KCNH1: variants seen among roughly 807,000 people sequenced by gnomAD.
The protein encoded by KCNH1 is voltage-gated delayed rectifier potassium channel KCNH1.
A neutral mutation model predicts 69.2 loss-of-function variants in KCNH1; 27 were observed. The ratio of observed to expected loss-of-function variants is 0.39; its 90% CI spans 0.29 to 0.54. KCNH1 has a LOEUF of 0.54. Among genes scored for constraint, KCNH1 ranks in the 20% least tolerant of loss-of-function variants. KCNH1 has a pLI of 0.68. For synonymous variants in KCNH1, 456 were observed against 487.7 expected (o/e 0.93, Z 0.86); for missense variants, 798 against 1,261.6 (o/e 0.63, Z 5.57).
intron 7 of KCNH1, among the ~76,000 whole-genome samples, chr1:210,863,559 C>T (rs776407450): frequency 1.3e-5 from 2 of 152,190 alleles, no homozygotes; most frequent in Non-Finnish European, 2.9e-5. Context: ...TAGTAAATGC[C>T]ATTTCCAGTT....
intron 6 of KCNH1, among the ~76,000 whole-genome samples, chr1:210,982,751 G>C (rs1211837780): frequency 1.3e-5 from 2 of 152,168 alleles, no homozygotes; most frequent in Admixed American, 6.5e-5. Context: ...TGTCTTTATA[G>C]CAGCATGATT....
chr1:211,080,616 A>T (rs963765639), intron 5 of KCNH1, among the ~76,000 whole-genome samples: 5 of 152,238 alleles, frequency 3.3e-5, no homozygotes, highest in African/African-American at 1.2e-4. Context: ...GTACCAAAAC[A>T]GATATATAGA....
chr1:210,800,089 A>C (rs979897067), intron 8 of KCNH1, among the ~76,000 whole-genome samples: 2 of 152,234 alleles, frequency 1.3e-5, no homozygotes, highest in African/African-American at 4.8e-5. Flanking sequence ...GTAAGTACAG[A>C]TGCCCTTGCT....
chr1:210,791,291 C>T (rs552733636), intron 9 of KCNH1, among the ~76,000 whole-genome samples: 1 of 152,324 alleles, frequency 6.6e-6, no homozygotes, highest in South Asian at 2.1e-4. Context: ...CTGCCTAAAG[C>T]AATGTTTCTC....
rs144042652 is a variant in KCNH1 at position 210,763,487 on chromosome 1, T to C, written c.2112+11861A>G. 2.8e-3 allele frequency among the ~76,000 whole-genome samples: 419 copies of C among 151,848 alleles called. 1 individual carries two copies. The highest frequency in any genetic ancestry group is 9.7e-3 in the African/African-American group (404 of 41,496). On this transcript the variant is annotated intron_variant, in intron 10 of 10. Transcript: ENST00000271751. ...TCTAAAAAACCCTAAAGACCAAAAGTCTCCTAAATTTGATGACTTCAGGAA... is the reference window on the plus strand; with the variant it reads ...TCTAAAAAACCCTAAAGACCAAAAGCCTCCTAAATTTGATGACTTCAGGAA...
At chr1:210,792,705 C>T (rs1684233567) in intron 9 of KCNH1, among the ~76,000 whole-genome samples, 1 of 150,066 alleles carries the variant, frequency 6.7e-6, no homozygotes, top group African/African-American at 2.4e-5. Context: ...AAAAAATCCA[C>T]AAAACAGGAA....
At chr1:210,854,289 G>T (rs1444056202) in intron 7 of KCNH1, among the ~76,000 whole-genome samples, 2 of 151,916 alleles carry the variant, frequency 1.3e-5, no homozygotes, top group Admixed American at 6.6e-5. Context: ...AAATAGAAGG[G>T]GTATCCCCTC....
chr1:211,069,098 C>G (rs1690586590), intron 5 of KCNH1, among the ~76,000 whole-genome samples: 1 of 152,144 alleles, frequency 6.6e-6, no homozygotes, highest in Admixed American at 6.6e-5. Flanking sequence ...TCAGGAGAAA[C>G]TATTTAACCA....
At chr1:211,074,984 G>A (rs916503698) in intron 5 of KCNH1, among the ~76,000 whole-genome samples, 1 of 152,172 alleles carries the variant, frequency 6.6e-6, no homozygotes, top group Non-Finnish European at 1.5e-5. Context: ...GTAGAACTCT[G>A]ACTGATACAG....
At chr1:210,781,536 C>T (rs1479450626) in intron 9 of KCNH1, among the ~76,000 whole-genome samples, 2 of 152,060 alleles carry the variant, frequency 1.3e-5, no homozygotes, top group East Asian at 3.9e-4. Flanking sequence ...TCTCTCCTGG[C>T]CCTAGAAAAA....
At chr1:210,966,215 C>G (rs1327981203) in intron 6 of KCNH1, among the ~76,000 whole-genome samples, 1 of 152,154 alleles carries the variant, frequency 6.6e-6, no homozygotes, top group African/African-American at 2.4e-5. Flanking sequence ...CTTCCTTACA[C>G]CTTATACAAA....
chr1:210,932,173 C>T (rs1687691418), intron 6 of KCNH1, among the ~76,000 whole-genome samples: 1 of 152,016 alleles, frequency 6.6e-6, no homozygotes, highest in Admixed American at 6.6e-5. Context: ...CTATGAGGCA[C>T]ATTATAGTCA....
At chr1:210,760,315 G>C (rs1023355594) in intron 10 of KCNH1, among the ~76,000 whole-genome samples, 4 of 152,126 alleles carry the variant, frequency 2.6e-5, no homozygotes, top group Non-Finnish European at 5.9e-5. Context: ...CATAGTATTA[G>C]TGTGAAAACC....
rs375733187 is a variant in KCNH1 at position 210,899,327 on chromosome 1, A to G, written c.1462+20313T>C. ...TTAAGGTAGGGTCAAAAAGATTTTC[A>G]AAGTCTAAAAGAACAGCACTCTTGA... On this transcript the variant is annotated intron_variant, in intron 7 of 10. Transcript: ENST00000271751. 7.2e-5 allele frequency among the ~76,000 whole-genome samples: 11 copies of G among 152,320 alleles called. No individual in the cohort carries two copies. The East Asian group carries it at 1.9e-3, about 27-fold the overall frequency.
chr1:210,964,447 A>G (rs1428691011), intron 6 of KCNH1, among the ~76,000 whole-genome samples: 3 of 151,826 alleles, frequency 2.0e-5, no homozygotes, highest in Non-Finnish European at 1.5e-5. Flanking sequence ...ATATTAAAAA[A>G]CTACCATCAG....
At chr1:211,015,983 C>T (rs983039878) in intron 6 of KCNH1, among the ~76,000 whole-genome samples, 4 of 152,138 alleles carry the variant, frequency 2.6e-5, no homozygotes, top group Admixed American at 2.0e-4. Flanking sequence ...TTATTTATGA[C>T]CAACAGGTGA....
intron 1 of KCNH1, among the ~76,000 whole-genome samples, chr1:211,125,373 C>T (rs1691759806): frequency 6.6e-6 from 1 of 152,140 alleles, no homozygotes; most frequent in Non-Finnish European, 1.5e-5. Context: ...AAAGCACAGC[C>T]TTAATGATGA....
At chr1:210,970,788 T>C (rs769919459) in intron 6 of KCNH1, among the ~76,000 whole-genome samples, 8 of 152,074 alleles carry the variant, frequency 5.3e-5, no homozygotes, top group Non-Finnish European at 1.2e-4. Context: ...AATTGACAAA[T>C]GGGATCTAAT....
At position 210,879,568 on chromosome 1, in the gene KCNH1, T is replaced by C. The variant is rs1686451722; in HGVS notation, c.1462+40072A>G. Among the ~76,000 whole-genome samples the C allele has an allele frequency of 2.6e-5, 4 of 152,080 alleles. No individual in the cohort carries two copies. In the South Asian group the frequency reaches 8.3e-4, roughly 32 times the overall value. On this transcript the variant is annotated intron_variant, in intron 7 of 10. Transcript: ENST00000271751. Reference sequence around the variant, plus strand: ...GACAAAATCCAATACTTATTTCTGATAAAAACTCTCAGTAAACTAGGAATA... The same window carrying C: ...GACAAAATCCAATACTTATTTCTGACAAAAACTCTCAGTAAACTAGGAATA...
Sources: gnomAD v4.1 joint callset for allele counts (sites outside exome capture counted in the v4.1 genomes callset) on GRCh38, gnomAD v4.1.1 for gene constraint, MANE v1.5 for transcripts, NCBI Gene and HGNC (gene_info 2026-07-23, HGNC 2026-07-21) for gene names.